The following CIT variants were observed in gnomAD, a reference collection of about 807,000 sequenced individuals.
CIT encodes citron Rho-interacting kinase.
CIT carries 79 observed loss-of-function variants against 272.7 expected under a neutral mutation model. That is an observed-to-expected ratio of 0.29 (90% CI 0.24 to 0.35). The LOEUF (loss-of-function observed/expected upper bound fraction) is 0.35. Among genes scored for constraint, CIT ranks in the 10% least tolerant of loss-of-function variants. CIT has a pLI of 1.00. For synonymous variants in CIT, 948 were observed against 995.6 expected (o/e 0.95, Z 0.90); for missense variants, 1,909 against 2,618.3 (o/e 0.73, Z 5.91).
At chr12:119,714,751 C>G (rs1466379571) in intron 32 of CIT, among the ~76,000 whole-genome samples, 3 of 152,164 alleles carry the variant, frequency 2.0e-5, no homozygotes, top group Non-Finnish European at 4.4e-5. Context: ...AATGGTGCAG[C>G]CACTTTGGAA....
intron 4 of CIT, among the ~76,000 whole-genome samples, chr12:119,852,500 G>C (rs1040004356): frequency 6.6e-6 from 1 of 152,130 alleles, no homozygotes; most frequent in African/African-American, 2.4e-5. Context: ...GATCACTTGA[G>C]GTCAGGAGTT....
At chr12:119,724,396 A>G (rs928236726) in intron 28 of CIT, among the ~76,000 whole-genome samples, 3 of 152,192 alleles carry the variant, frequency 2.0e-5, no homozygotes, top group African/African-American at 7.2e-5. Flanking sequence ...GTTTTAATGT[A>G]ATAGAACCAA....
At chr12:119,699,756 A>G in intron 44 of CIT, 1 of 455,814 alleles carries the variant, frequency 2.2e-6, no homozygotes, top group South Asian at 1.5e-5. Flanking sequence ...AGAACTGTCC[A>G]GTCAAGCCAC....
At chr12:119,857,386 T>A in intron 4 of CIT, 137 bp downstream of exon 4, 1 of 815,784 alleles carries the variant, frequency 1.2e-6, no homozygotes, top group East Asian at 2.6e-5. Context: ...AGAGACCTTT[T>A]TGCCCCAACT....
chr12:119,773,728 T>G (rs542026031), intron 16 of CIT, among the ~76,000 whole-genome samples: 1 of 152,284 alleles, frequency 6.6e-6, no homozygotes, highest in Non-Finnish European at 1.5e-5. Flanking sequence ...ATGCCCGGCC[T>G]GTGTTTGCTG....
intron 28 of CIT, among the ~76,000 whole-genome samples, chr12:119,723,221 CTT>C (rs1471269481): frequency 1.3e-5 from 2 of 152,062 alleles, no homozygotes; most frequent in Non-Finnish European, 2.9e-5. Context: ...AAATTACCCT[CTT>C]TAGTTTCTTC....
intron 9 of CIT, among the ~76,000 whole-genome samples, chr12:119,818,331 G>A: frequency 6.6e-6 from 1 of 152,110 alleles, no homozygotes; most frequent in East Asian, 1.9e-4. Flanking sequence ...AACCCAAGGA[G>A]GTACATGGTG....
At chr12:119,828,201 G>A (rs1023657928) in intron 7 of CIT, among the ~76,000 whole-genome samples, 2 of 152,118 alleles carry the variant, frequency 1.3e-5, no homozygotes, top group Admixed American at 1.3e-4. Context: ...TTATTAATTT[G>A]TACTAGAAAG....
chr12:119,716,055 T>C (rs1214045925), intron 32 of CIT, among the ~76,000 whole-genome samples: 2 of 152,154 alleles, frequency 1.3e-5, no homozygotes, highest in African/African-American at 2.4e-5. Flanking sequence ...TTCCTCTATC[T>C]TGTCATCACC....
chr12:119,708,832 G>T (rs1426782928), intron 39 of CIT, among the ~76,000 whole-genome samples: 1 of 152,182 alleles, frequency 6.6e-6, no homozygotes, highest in East Asian at 1.9e-4. Flanking sequence ...TGGCCTTTTA[G>T]TCAAGATTCT....
At chr12:119,689,160 C>T (rs1321056881) in intron 47 of CIT, among the ~76,000 whole-genome samples, 8 of 147,914 alleles carry the variant, frequency 5.4e-5, no homozygotes, top group Admixed American at 1.3e-4. Flanking sequence ...GCCTGGGCAA[C>T]ATAGTAAGAC....
Position 119,713,051 on chromosome 12 carries a change from A to T in CIT, c.4579+152T>A, listed in dbSNP as rs1957252684. The T allele has an allele frequency of 1.5e-6, 1 of 685,444 alleles. No individual in the cohort carries two copies. Among genetic ancestry groups the T allele is most frequent in the Non-Finnish European group, 2.6e-6 (1 of 386,936 alleles). 42.5% of individuals were successfully genotyped at this position (685,444 alleles called of 1,614,324 possible). A position where few individuals can be genotyped will look rare whatever the true frequency, so the allele number is the denominator to read the frequency against. On this transcript the variant is annotated intron_variant, in intron 35 of 47. Coordinates refer to ENST00000392521, the MANE Select transcript of CIT (RefSeq NM_001206999.2). The surrounding 1 kb of genome is among the most constrained non-coding windows in gnomAD (Gnocchi z 5.2). The stretch of plus-strand genomic sequence containing the variant: ...TATAGATGTGAGTATCGCACCAATA[A>T]CCTTTAGAGAAGTCATTTGGTTTGT...
At chr12:119,736,560 A>G (rs1196721289) in intron 24 of CIT, among the ~76,000 whole-genome samples, 1 of 152,222 alleles carries the variant, frequency 6.6e-6, no homozygotes, top group African/African-American at 2.4e-5. Flanking sequence ...AGCCACATTA[A>G]TTCCTATGTA....
intron 23 of CIT, among the ~76,000 whole-genome samples, chr12:119,748,998 G>A (rs1049911635): frequency 6.6e-6 from 1 of 152,192 alleles, no homozygotes; most frequent in African/African-American, 2.4e-5. Flanking sequence ...CCAGCAATAA[G>A]TACGGAAGTA....
intron 9 of CIT, among the ~76,000 whole-genome samples, chr12:119,808,374 A>G (rs544116956): frequency 6.6e-6 from 1 of 152,244 alleles, no homozygotes; most frequent in South Asian, 2.1e-4. Context: ...TTTAATATCT[A>G]TTTTTTAAGA....
At position 119,712,588 on chromosome 12, in the gene CIT, C is replaced by G; in HGVS notation, c.4684+3G>C. On this transcript the variant is annotated splice_donor_region_variant and intron_variant, in intron 36 of 47. Coordinates refer to ENST00000392521, the MANE Select transcript of CIT (RefSeq NM_001206999.2). The surrounding 1 kb of genome is among the most constrained non-coding windows in gnomAD (Gnocchi z 5.2). ...GGGCGGGGCTCCTCCGGCTCCTCCT[C>G]ACCTGCTTTGGCTGTATTTGCGAGT... 1 of 1,613,968 alleles carries G rather than the reference C, an allele frequency of 6.2e-7. No homozygotes were observed. Among genetic ancestry groups the G allele is most frequent in the Non-Finnish European group, 8.5e-7 (1 of 1,179,834 alleles).
At chr12:119,812,745 A>ATTTTTTTTTTTTT (rs11315906) in intron 9 of CIT, among the ~76,000 whole-genome samples, 1 of 128,202 alleles carries the variant, frequency 7.8e-6, no homozygotes. Flanking sequence ...TTTATTCTTA[A>ATTTTTTTTTTTTT]TTTTTTTTTT....
At chr12:119,788,994 T>C (rs1324035403) in intron 10 of CIT, among the ~76,000 whole-genome samples, 3 of 152,036 alleles carry the variant, frequency 2.0e-5, no homozygotes, top group African/African-American at 7.3e-5. Flanking sequence ...AATCATGGGA[T>C]TGGAGGATGA....
At chr12:119,751,894 G>A (rs1960313635) in intron 23 of CIT, among the ~76,000 whole-genome samples, 156 bp downstream of exon 23, 1 of 152,198 alleles carries the variant, frequency 6.6e-6, no homozygotes, top group South Asian at 2.1e-4. Context: ...TGAAGCAGCA[G>A]CCTATGTAAG....
Sources: gnomAD v4.1 joint callset for allele counts (sites outside exome capture counted in the v4.1 genomes callset) on GRCh38, gnomAD v4.1.1 for gene constraint, Gnocchi (gnomAD v3.1) non-coding constraint, MANE v1.5 for transcripts, NCBI Gene and HGNC (gene_info 2026-07-23, HGNC 2026-07-21) for gene names.